GMDS: variants seen among roughly 807,000 people sequenced by gnomAD.
The protein encoded by GMDS is GDP-mannose 4,6-dehydratase, also known as GDP-mannose 4,6 dehydratase.
In GMDS, 20 loss-of-function variants were observed where a neutral mutation model predicts 49.9. The ratio of observed to expected loss-of-function variants is 0.40; its 90% confidence interval spans 0.28 to 0.58. The LOEUF is 0.58. Among genes scored for constraint, GMDS ranks in the 20% least tolerant of loss-of-function variants. GMDS has a pLI of 0.42. For synonymous variants in GMDS, 177 were observed against 178.6 expected (o/e 0.99, Z 0.07); for missense variants, 362 against 481.4 (o/e 0.75, Z 2.32).
intron 2 of GMDS, among the ~76,000 whole-genome samples, chr6:2,122,818 T>C (rs538360476): frequency 5.3e-4 from 80 of 152,348 alleles, no homozygotes; most frequent in South Asian, 1.9e-3. Context: ...TTTCCCGCTA[T>C]AGTGTCAACC....
At chr6:1,883,100 C>T (rs962193729) in intron 7 of GMDS, among the ~76,000 whole-genome samples, 4 of 152,124 alleles carry the variant, frequency 2.6e-5, no homozygotes, top group South Asian at 2.1e-4. Flanking sequence ...ACTTTGATTT[C>T]TTTAAAAATA....
At chr6:1,644,256 C>A (rs1002033281) in intron 9 of GMDS, among the ~76,000 whole-genome samples, 1 of 152,214 alleles carries the variant, frequency 6.6e-6, no homozygotes, top group Non-Finnish European at 1.5e-5. Flanking sequence ...AACGTGTGAA[C>A]GATAGCGGAT....
intron 1 of GMDS, among the ~76,000 whole-genome samples, chr6:2,243,526 T>G (rs530451483): frequency 6.6e-6 from 1 of 152,220 alleles, no homozygotes; most frequent in East Asian, 1.9e-4. Context: ...AGGTCCAGTC[T>G]GACAAAATGG....
chr6:1,723,413 G>A (rs539205056), intron 9 of GMDS, among the ~76,000 whole-genome samples: 3 of 146,262 alleles, frequency 2.1e-5, no homozygotes, highest in Admixed American at 1.4e-4. Context: ...TGAAAGCTCC[G>A]CCTCCCGGGT....
Position 1,999,320 on chromosome 6 carries a change from C to T in GMDS, c.346-38354G>A, listed in dbSNP as rs9503065. On this transcript the variant is annotated intron_variant, in intron 4 of 10. Transcript: ENST00000380815. ...CTGGTGACAGAGCGAGACTCTGTCT[C>T]AAAAAAAAAAAAAAAAAAAACTGCA... Among the ~76,000 whole-genome samples, 822 of 86,934 alleles carry T rather than the reference C, an allele frequency of 9.5e-3. 40 individuals are homozygous for T. The highest frequency in any genetic ancestry group is 0.037 in the Middle Eastern group (6 of 164). The allele number at this position is 86,934 out of a possible 152,430, so 57.0% of individuals were successfully genotyped here.
chr6:1,775,871 C>A (rs1768809446), intron 7 of GMDS, among the ~76,000 whole-genome samples: 1 of 152,046 alleles, frequency 6.6e-6, no homozygotes, highest in African/African-American at 2.4e-5. Flanking sequence ...TCTCTAAATT[C>A]TCTAAAATGA....
chr6:2,038,385 C>T (rs1349847375), intron 4 of GMDS, among the ~76,000 whole-genome samples: 3 of 152,152 alleles, frequency 2.0e-5, no homozygotes, highest in Non-Finnish European at 2.9e-5. Flanking sequence ...AGAAAAGCCG[C>T]GCTCAAGAAT....
intron 1 of GMDS, among the ~76,000 whole-genome samples, chr6:2,134,242 T>C (rs1581695913): frequency 1.3e-5 from 2 of 152,334 alleles, no homozygotes; most frequent in African/African-American, 4.8e-5. Context: ...TGAACCTCTA[T>C]AGGACTAATG....
intron 4 of GMDS, among the ~76,000 whole-genome samples, chr6:2,091,471 T>C (rs757981754): frequency 1.1e-4 from 16 of 152,340 alleles, no homozygotes; most frequent in Non-Finnish European, 2.1e-4. Flanking sequence ...TACAGACTCA[T>C]ACTTTTAGTC....
At chr6:2,059,717 A>AAAAAAAAAAAAAAAAAAAAAC in intron 4 of GMDS, among the ~76,000 whole-genome samples, 1 of 138,380 alleles carries the variant, frequency 7.2e-6, no homozygotes, top group Non-Finnish European at 1.5e-5. Flanking sequence ...CAAAAAAAAA[A>AAAAAAAAAAAAAAAAAAAAAC]AAAAAAAAAA....
intron 7 of GMDS, among the ~76,000 whole-genome samples, chr6:1,857,953 T>TTA (rs1758011005): frequency 6.6e-6 from 1 of 152,204 alleles, no homozygotes; most frequent in Admixed American, 6.5e-5. Flanking sequence ...TAAGCTTGTG[T>TTA]TATGTTTATG....
intron 7 of GMDS, among the ~76,000 whole-genome samples, chr6:1,929,603 T>C (rs575446360): frequency 2.6e-5 from 4 of 152,188 alleles, no homozygotes; most frequent in Non-Finnish European, 5.9e-5. Flanking sequence ...CTCAACGACA[T>C]GCAATATAAC....
chr6:1,977,529 G>A (rs1246808824), intron 4 of GMDS, among the ~76,000 whole-genome samples: 1 of 152,160 alleles, frequency 6.6e-6, no homozygotes, highest in Non-Finnish European at 1.5e-5. Context: ...GGAGTGAAAG[G>A]GGTGAGTGAA....
intron 6 of GMDS, among the ~76,000 whole-genome samples, chr6:1,953,724 A>G (rs1439907902): frequency 6.6e-6 from 1 of 152,218 alleles, no homozygotes; most frequent in Non-Finnish European, 1.5e-5. Flanking sequence ...CTTGCTTCCC[A>G]TGTTCCAATT....
In GMDS at chr6:2,162,695, CACACACACACACACAA is replaced by C. The variant is rs1477938382; in HGVS notation, c.103-37980_103-37965del. Among the ~76,000 whole-genome samples the C allele has an allele frequency of 2.1e-4, 29 of 137,218 alleles. 1 individual carries two copies. In the East Asian group the frequency reaches 4.9e-3, roughly 23 times the overall value. The allele number at this position is 137,218 out of a possible 152,430, so 90.0% of individuals were successfully genotyped here. On this transcript the variant is annotated intron_variant, in intron 1 of 10. Coordinates refer to ENST00000380815, the MANE Select transcript of GMDS (RefSeq NM_001500.4). ...ACACACACACACACACACACACACACACACACACACACACAAAACTTTCCTGGTGCTTCCCTACATT... is the reference window on the plus strand; with the variant it reads ...ACACACACACACACACACACACACACAACTTTCCTGGTGCTTCCCTACATT...
intron 4 of GMDS, among the ~76,000 whole-genome samples, chr6:2,064,750 C>T (rs950597452): frequency 6.6e-6 from 1 of 152,112 alleles, no homozygotes; most frequent in Non-Finnish European, 1.5e-5. Flanking sequence ...AGAAAGGAAG[C>T]CCTTTTCAGA....
chr6:1,951,525 T>A (rs904137070), intron 6 of GMDS, among the ~76,000 whole-genome samples: 1 of 152,188 alleles, frequency 6.6e-6, no homozygotes, highest in Non-Finnish European at 1.5e-5. Flanking sequence ...TTTAAAGTAC[T>A]TTATAGCTTC....
At chr6:1,686,356 T>C (rs1764976055) in intron 9 of GMDS, among the ~76,000 whole-genome samples, 1 of 152,206 alleles carries the variant, frequency 6.6e-6, no homozygotes, top group Admixed American at 6.5e-5. Flanking sequence ...CAGAAGCAAG[T>C]GCATGGCTAC....
rs528413661 is a variant in GMDS at position 1,884,308 on chromosome 6, T to C, written c.771+45795A>G. 2.6e-5 allele frequency among the ~76,000 whole-genome samples: 4 copies of C among 152,334 alleles called. No homozygotes were observed. The South Asian group carries it at 8.3e-4, about 32-fold the overall frequency. ...AAATATGATATAAGAGGGCAATTTA[T>C]ATTTAACTCAAATGATCACACTTAA... On this transcript the variant is annotated intron_variant, in intron 7 of 10. Transcript: ENST00000380815.
Sources: allele counts gnomAD v4.1 joint callset (sites outside exome capture counted in the v4.1 genomes callset), GRCh38; gene constraint gnomAD v4.1.1; transcripts MANE v1.5; gene names NCBI Gene and HGNC (gene_info 2026-07-23, HGNC 2026-07-21).